The following TMTC2 variants were observed in gnomAD, a reference collection of about 807,000 sequenced individuals.
TMTC2 encodes transmembrane O-mannosyltransferase targeting cadherins 2.
A neutral mutation model predicts 82.4 loss-of-function variants in TMTC2; 43 were observed. The ratio of observed to expected loss-of-function variants is 0.52; its 90% CI spans 0.41 to 0.67. The LOEUF (loss-of-function observed/expected upper bound fraction) is 0.67, where lower values mean the gene tolerates loss of function less well. Among genes scored for constraint, TMTC2 ranks in the 30% least tolerant of loss-of-function variants. The probability of loss-of-function intolerance (pLI) is 0.00; values close to 1 mark genes in which losing one functional copy is unlikely to be tolerated. For synonymous variants in TMTC2, 408 were observed against 381.9 expected, an observed-to-expected ratio of 1.07 and a Z score of -0.80; for missense variants, 919 against 1,012.4, an observed-to-expected ratio of 0.91 and a Z score of 1.25.
Position 82,687,445 on chromosome 12 carries a change from C to A in TMTC2, c.-142C>A, listed in dbSNP as rs1301714432. Reference sequence around the variant, plus strand: ...GAGAGGAGTCGTGGATTGGAAGGACCCGAGGGAGGGAGGGTGGGGAAGCGA... The same window carrying A: ...GAGAGGAGTCGTGGATTGGAAGGACACGAGGGAGGGAGGGTGGGGAAGCGA... On this transcript the variant is annotated 5_prime_UTR_variant, in exon 1 of 12. Transcript: ENST00000321196. The A allele has an allele frequency of 5.3e-6, 4 of 750,536 alleles. No homozygotes were observed. The African/African-American group carries it at 7.0e-5, about 13-fold the overall frequency. 46.5% of individuals were successfully genotyped at this position (750,536 alleles called of 1,614,324 possible).
At chr12:82,729,772 T>C (rs1184463231) in intron 1 of TMTC2, among the ~76,000 whole-genome samples, 2 of 152,226 alleles carry the variant, frequency 1.3e-5, no homozygotes, top group Non-Finnish European at 2.9e-5. Context: ...TTCCGTGCTG[T>C]GGTAGCTTTG....
At chr12:83,007,142 T>A (rs1246122391) in intron 8 of TMTC2, among the ~76,000 whole-genome samples, 1 of 152,122 alleles carries the variant, frequency 6.6e-6, no homozygotes, top group Non-Finnish European at 1.5e-5. Context: ...ATTCGAACTC[T>A]CAGTGTTGTT....
At chr12:82,972,221 T>C (rs1471610496) in intron 7 of TMTC2, among the ~76,000 whole-genome samples, 1 of 152,136 alleles carries the variant, frequency 6.6e-6, no homozygotes, top group East Asian at 1.9e-4. Context: ...TAATGGCCCA[T>C]TGCTTTTTAT....
At chr12:83,008,231 T>C (rs1462096042) in intron 8 of TMTC2, among the ~76,000 whole-genome samples, 1 of 152,166 alleles carries the variant, frequency 6.6e-6, no homozygotes, top group African/African-American at 2.4e-5. Context: ...GAATCTCTGG[T>C]TTTGTATCTT....
At chr12:82,831,359 G>A (rs1869736194) in intron 1 of TMTC2, among the ~76,000 whole-genome samples, 2 of 152,200 alleles carry the variant, frequency 1.3e-5, no homozygotes, top group African/African-American at 2.4e-5. Context: ...AAAATGGGAA[G>A]GGGAAAGAAT....
chr12:82,825,854 G>A (rs992596340), intron 1 of TMTC2, among the ~76,000 whole-genome samples: 1 of 147,614 alleles, frequency 6.8e-6, no homozygotes, highest in Non-Finnish European at 1.5e-5. Context: ...GATAGGGAAA[G>A]CACACACACA....
At chr12:82,728,758 GGGAGGTGT>G (rs1874595324) in intron 1 of TMTC2, among the ~76,000 whole-genome samples, 1 of 152,212 alleles carries the variant, frequency 6.6e-6, no homozygotes, top group African/African-American at 2.4e-5. Context: ...TCAGCTTGCG[GGGAGGTGT>G]GGAGGCAGAG....
At chr12:82,822,030 C>T (rs554757027) in intron 1 of TMTC2, among the ~76,000 whole-genome samples, 1 of 151,958 alleles carries the variant, frequency 6.6e-6, no homozygotes. Context: ...CATGGAGGAA[C>T]CTTAAATGCA....
At chr12:82,839,621 G>A (rs1163643456) in intron 1 of TMTC2, among the ~76,000 whole-genome samples, 1 of 152,120 alleles carries the variant, frequency 6.6e-6, no homozygotes, top group Non-Finnish European at 1.5e-5. Flanking sequence ...GAAATGCCTG[G>A]CTAGTTCTTT....
At chr12:82,950,716 A>G (rs2137278623) in intron 4 of TMTC2, among the ~76,000 whole-genome samples, 1 of 152,348 alleles carries the variant, frequency 6.6e-6, no homozygotes, top group Non-Finnish European at 1.5e-5. Flanking sequence ...TACTCCATTT[A>G]ATCAAGACTT....
intron 4 of TMTC2, among the ~76,000 whole-genome samples, chr12:82,941,148 C>T (rs550460847): frequency 6.6e-6 from 1 of 152,178 alleles, no homozygotes; most frequent in East Asian, 1.9e-4. Context: ...GTGTTAGTTG[C>T]ATTGTGATAT....
At chr12:82,812,697 T>C (rs1426852841) in intron 1 of TMTC2, among the ~76,000 whole-genome samples, 1 of 152,098 alleles carries the variant, frequency 6.6e-6, no homozygotes, top group Non-Finnish European at 1.5e-5. Context: ...TAGATTTTTA[T>C]TTTTGACTAA....
At chr12:82,817,393 A>T (rs1379404625) in intron 1 of TMTC2, among the ~76,000 whole-genome samples, 1 of 152,038 alleles carries the variant, frequency 6.6e-6, no homozygotes, top group South Asian at 2.1e-4. Context: ...TTATTGTTAT[A>T]TAGTATTCTT....
intron 1 of TMTC2, among the ~76,000 whole-genome samples, chr12:82,696,767 G>T (rs996471354): frequency 2.6e-5 from 4 of 152,054 alleles, no homozygotes; most frequent in Admixed American, 2.0e-4. Flanking sequence ...TGTTGAGGAT[G>T]CCTGTGGCTG....
At chr12:82,806,261 C>T (rs572277235) in intron 1 of TMTC2, among the ~76,000 whole-genome samples, 29 of 151,848 alleles carry the variant, frequency 1.9e-4, no homozygotes, top group African/African-American at 7.0e-4. Flanking sequence ...TTTTTTAAGA[C>T]AAGAAAAAAA....
intron 3 of TMTC2, among the ~76,000 whole-genome samples, chr12:82,910,931 A>G (rs1423165963): frequency 6.7e-6 from 1 of 148,834 alleles, no homozygotes. Flanking sequence ...CCCAGGCTGG[A>G]GTGCAGTGGT....
chr12:83,051,436 C>T (rs1882342948), intron 10 of TMTC2, among the ~76,000 whole-genome samples: 1 of 152,050 alleles, frequency 6.6e-6, no homozygotes, highest in Non-Finnish European at 1.5e-5. Context: ...ATGTGTAGGG[C>T]ATATGAGTTT....
chr12:82,773,491 C>T (rs1266456881), intron 1 of TMTC2, among the ~76,000 whole-genome samples: 5 of 147,302 alleles, frequency 3.4e-5, no homozygotes, highest in East Asian at 3.9e-4. Flanking sequence ...GATGTAGTCT[C>T]GCTCTGTCAC....
chr12:83,080,402 A>G (rs1384139877), intron 11 of TMTC2, among the ~76,000 whole-genome samples: 2 of 151,856 alleles, frequency 1.3e-5, no homozygotes, highest in Non-Finnish European at 2.9e-5. Flanking sequence ...TGTGTGTGTA[A>G]TGAATGATTA....
Sources: allele counts gnomAD v4.1 joint callset (sites outside exome capture counted in the v4.1 genomes callset), GRCh38; gene constraint gnomAD v4.1.1; transcripts MANE v1.5; gene names NCBI Gene and HGNC (gene_info 2026-07-23, HGNC 2026-07-21).